The following SAMSN1 variants were observed in gnomAD, a reference collection of about 807,000 sequenced individuals.
SAMSN1 encodes SAM domain, SH3 domain and nuclear localization signals 1.
A neutral mutation model predicts 42.0 loss-of-function variants in SAMSN1; 31 were observed. That is an observed-to-expected ratio of 0.74 (90% CI 0.55 to 1.00). The LOEUF is 1.00. Among genes scored for constraint, SAMSN1 ranks in the 50% least tolerant of loss-of-function variants. The pLI is 0.00. For missense variants in SAMSN1, 464 were observed against 439.4 expected, an observed-to-expected ratio of 1.06 and a Z score of -0.50; for synonymous variants, 178 against 151.9, an observed-to-expected ratio of 1.17 and a Z score of -1.26.
At chr21:14,605,848 A>G (rs983345635) in intron 5 of SAMSN1, among the ~76,000 whole-genome samples, 8 of 148,362 alleles carry the variant, frequency 5.4e-5, no homozygotes, top group Non-Finnish European at 1.2e-4. Context: ...TTATTTATTT[A>G]TTTATTTTTT....
At chr21:14,649,356 T>C (rs1600984261) in intron 1 of SAMSN1, among the ~76,000 whole-genome samples, 1 of 151,922 alleles carries the variant, frequency 6.6e-6, no homozygotes, top group African/African-American at 2.4e-5. Context: ...CGCACCAGCA[T>C]GGCACATGTA....
At chr21:14,609,145 C>T (rs1317120073) in intron 5 of SAMSN1, among the ~76,000 whole-genome samples, 3 of 152,006 alleles carry the variant, frequency 2.0e-5, no homozygotes, top group Non-Finnish European at 2.9e-5. Context: ...AGAGTTTTCT[C>T]GTGCTCTAAT....
rs1980390681 is a variant in SAMSN1 at position 14,546,307 on chromosome 21, G to A, written c.-46C>T. On this transcript the variant is annotated 5_prime_UTR_variant, in exon 1 of 8. Coordinates refer to ENST00000400566, the MANE Select transcript of SAMSN1 (RefSeq NM_022136.5). ...AGTGAGTGCACTTTCTGCTGTTACA[G>A]AAACAACTGAAAACAGTCAGCAGTG... The A allele has an allele frequency of 1.2e-6, 2 of 1,610,636 alleles. No homozygotes were observed. The highest frequency in any genetic ancestry group is 1.7e-6 in the Non-Finnish European group (2 of 1,178,590).
intron 1 of SAMSN1, among the ~76,000 whole-genome samples, chr21:14,651,844 A>G (rs761589202): frequency 6.6e-6 from 1 of 152,096 alleles, no homozygotes; most frequent in Admixed American, 6.6e-5. Context: ...ATACAATTTC[A>G]ACATAAAATA....
rs116095342 is a variant in SAMSN1 at position 14,589,511 on chromosome 21, T to G, written c.465+4502A>C. Among the ~76,000 whole-genome samples, 1,219 of 152,182 alleles carry G rather than the reference T, an allele frequency of 8.0e-3. 22 individuals are homozygous for G. Among genetic ancestry groups the G allele is most frequent in the South Asian group, 0.071 (344 of 4,818 alleles). On this transcript the variant is annotated intron_variant, in intron 7 of 15. Coordinates refer to the SAMSN1 transcript ENST00000647101. ...AGGTACTTTCAGATTTATAGGCCTA[T>G]CCTCTTAAATATACATAATTAAGAA...
At chr21:14,559,354 A>G (rs1980867001) in intron 2 of SAMSN1, among the ~76,000 whole-genome samples, 1 of 152,162 alleles carries the variant, frequency 6.6e-6, no homozygotes, top group Non-Finnish European at 1.5e-5. Flanking sequence ...CAAGGCAGCA[A>G]TGGGGAAACT....
At chr21:14,619,375 C>A (rs1467281347) in intron 2 of SAMSN1, among the ~76,000 whole-genome samples, 1 of 152,168 alleles carries the variant, frequency 6.6e-6, no homozygotes, top group Non-Finnish European at 1.5e-5. Flanking sequence ...ATGTAAATCC[C>A]ATGGTGAATT....
Position 14,582,149 on chromosome 21 carries a change from A to T in SAMSN1, c.248T>A (p.Leu83His), listed in dbSNP as rs1043825840. 3.2e-6 allele frequency: 5 copies of T among 1,546,058 alleles called. No homozygotes were observed. The African/African-American group carries it at 5.5e-5, about 17-fold the overall frequency. Residue 83 changes from leucine to histidine, a missense_variant, in exon 2 of 9, where the codon CTC (leucine) becomes CAC (histidine). By Grantham distance (99) the Leu-to-His change is moderately conservative (BLOSUM62 -3). Coordinates refer to the SAMSN1 transcript ENST00000285670. ...CTGCAAACTTACCCATGAATGTAGG[A>T]GATCCATATCTGAGCAGGAAGACTT...
At chr21:14,596,103 T>C (rs1982253989) in intron 6 of SAMSN1, among the ~76,000 whole-genome samples, 1 of 152,172 alleles carries the variant, frequency 6.6e-6, no homozygotes, top group African/African-American at 2.4e-5. Context: ...TTAAACTCTC[T>C]TCTTTAAACG....
Position 14,623,027 on chromosome 21 carries a change from A to G in SAMSN1, c.157-7011T>C, listed in dbSNP as rs561776278. On this transcript the variant is annotated intron_variant, in intron 2 of 15. Transcript: ENST00000647101. ...TTCATATCCAGTCAAACCAAGCTTT[A>G]TAAGTGAAGGAGAAATAAAATCCTT... 5.4e-4 allele frequency among the ~76,000 whole-genome samples: 83 copies of G among 152,358 alleles called. 2 individuals carry two copies. Among genetic ancestry groups the G allele is most frequent in the South Asian group, 3.7e-3 (18 of 4,828 alleles).
chr21:14,649,985 T>C (rs945243921), intron 1 of SAMSN1, among the ~76,000 whole-genome samples: 8 of 152,198 alleles, frequency 5.3e-5, no homozygotes, highest in South Asian at 4.2e-4. Context: ...TTCAGCAAGA[T>C]GATATAAACA....
chr21:14,541,487 T>C (rs983944707), intron 1 of SAMSN1, among the ~76,000 whole-genome samples: 1 of 152,184 alleles, frequency 6.6e-6, no homozygotes, highest in Non-Finnish European at 1.5e-5. Flanking sequence ...TCTTAAAATA[T>C]TATGAGATTT....
At chr21:14,561,460 C>A (rs1408754537) in intron 2 of SAMSN1, among the ~76,000 whole-genome samples, 3 of 152,082 alleles carry the variant, frequency 2.0e-5, no homozygotes, top group African/African-American at 7.2e-5. Flanking sequence ...ACCTGTTGGG[C>A]AAATACAATA....
intron 1 of SAMSN1, among the ~76,000 whole-genome samples, chr21:14,537,355 C>T (rs2142312): frequency 0.23 from 35,111 of 151,214 alleles, 4,564 homozygotes; most frequent in Admixed American, 0.39. Context: ...CTTCATATTT[C>T]AAATCCTTCT....
chr21:14,491,673 C>T (rs140641388), intron 7 of SAMSN1, among the ~76,000 whole-genome samples: 17 of 152,300 alleles, frequency 1.1e-4, no homozygotes, highest in Non-Finnish European at 1.8e-4. Flanking sequence ...TCAACTCTAA[C>T]TGCATCTTTG....
chr21:14,547,822 C>A (rs1366284126), upstream of SAMSN1, among the ~76,000 whole-genome samples: 1 of 152,064 alleles, frequency 6.6e-6, no homozygotes, highest in African/African-American at 2.4e-5. Context: ...TAAAAACAAC[C>A]TGTTTTTGTT....
At chr21:14,631,035 TAAGAC>T (rs1176422787) in intron 2 of SAMSN1, among the ~76,000 whole-genome samples, 1 of 152,246 alleles carries the variant, frequency 6.6e-6, no homozygotes, top group African/African-American at 2.4e-5. Context: ...TACCCATTTA[TAAGAC>T]ACTAGACTCT....
intron 7 of SAMSN1, among the ~76,000 whole-genome samples, chr21:14,590,163 C>T (rs1240854914): frequency 6.6e-6 from 1 of 152,086 alleles, no homozygotes; most frequent in Non-Finnish European, 1.5e-5. Context: ...ATAAAAAGTA[C>T]AAACACCATT....
At chr21:14,535,751 C>T (rs939755766) in intron 1 of SAMSN1, among the ~76,000 whole-genome samples, 7 of 152,118 alleles carry the variant, frequency 4.6e-5, no homozygotes, top group Non-Finnish European at 8.8e-5. Flanking sequence ...AAAGGGCAGC[C>T]ATCTACATGT....
Sources: allele counts gnomAD v4.1 joint callset (sites outside exome capture counted in the v4.1 genomes callset), GRCh38; gene constraint gnomAD v4.1.1; transcripts MANE v1.5; gene names NCBI Gene and HGNC (gene_info 2026-07-23, HGNC 2026-07-21).